NR1D2: variants seen among roughly 807,000 people sequenced by gnomAD.
NR1D2 encodes the protein V-erbA-related protein 1-related.
NR1D2 carries 25 observed loss-of-function variants against 52.2 expected under a neutral mutation model. The observed-to-expected ratio is 0.48, with a 90% CI of 0.35 to 0.67. The LOEUF is 0.67. Among genes scored for constraint, NR1D2 ranks in the 30% least tolerant of loss-of-function variants. The pLI, the probability that NR1D2 is intolerant of heterozygous loss-of-function variation, is 0.01. For synonymous variants in NR1D2, 259 were observed against 230.1 expected (o/e 1.13, Z -1.14); for missense variants, 681 against 707.2 (o/e 0.96, Z 0.42).
rs142938541 is a variant in NR1D2, at chr3:23,956,984, C to T, written c.372+859C>T. On this transcript the variant is annotated intron_variant, in intron 3 of 7. Coordinates refer to ENST00000312521, the MANE Select transcript of NR1D2 (RefSeq NM_005126.5). ...TGGCTCTGAATGAATTGCGAGTTTGCCAGTTTTTTTTTTTTTAGATGGAGT... is the reference window on the plus strand; with the variant it reads ...TGGCTCTGAATGAATTGCGAGTTTGTCAGTTTTTTTTTTTTTAGATGGAGT... Among the ~76,000 whole-genome samples, 211 of 151,618 alleles carry T rather than the reference C, an allele frequency of 1.4e-3. 1 individual carries two copies. The highest frequency in any genetic ancestry group is 4.7e-3 in the African/African-American group (195 of 41,344).
At chr3:23,969,371 G>A (rs916742292) in intron 7 of NR1D2, among the ~76,000 whole-genome samples, 1 of 152,104 alleles carries the variant, frequency 6.6e-6, no homozygotes, top group Non-Finnish European at 1.5e-5. Context: ...ATAAAGACTT[G>A]CCATTTGGTA....
chr3:23,951,845 G>T (rs1320968535), intron 1 of NR1D2, among the ~76,000 whole-genome samples: 3 of 152,314 alleles, frequency 2.0e-5, no homozygotes, highest in Middle Eastern at 3.4e-3. Flanking sequence ...TAGTTTTGAG[G>T]ATATGTATTT....
intron 7 of NR1D2, among the ~76,000 whole-genome samples, chr3:23,975,988 T>C (rs1706714385): frequency 6.6e-6 from 1 of 152,232 alleles, no homozygotes; most frequent in African/African-American, 2.4e-5. Flanking sequence ...TAGAAATCTT[T>C]TTCTTGTTAA....
chr3:23,956,773 A>T (rs1706091101), intron 3 of NR1D2, among the ~76,000 whole-genome samples: 1 of 152,182 alleles, frequency 6.6e-6, no homozygotes, highest in Non-Finnish European at 1.5e-5. Context: ...TATACAGGGA[A>T]TCTTTCTCTC....
chr3:23,955,168 G>A (rs919432331), intron 2 of NR1D2, among the ~76,000 whole-genome samples: 2 of 152,216 alleles, frequency 1.3e-5, no homozygotes, highest in East Asian at 3.8e-4. Context: ...AGTGAAACTG[G>A]ATTTGGGAAT....
At position 23,967,978 on chromosome 3, in the gene NR1D2, G is replaced by GA; in HGVS notation, c.1499dup (p.Asp500GlufsTer2). On this transcript the variant is annotated frameshift_variant, in exon 7 of 8. Coordinates refer to ENST00000312521, the MANE Select transcript of NR1D2 (RefSeq NM_005126.5). LOFTEE classifies it high-confidence loss of function. The stretch of plus-strand genomic sequence containing the variant: ...GAAGCTAAATGCCCTCCAACTTAGT[G>GA]ATGAAGAGATGAGTTTGTTTACAGC... The GA allele has an allele frequency of 6.2e-7, 1 of 1,614,178 alleles. No individual in the cohort carries two copies. The highest frequency in any genetic ancestry group is 8.5e-7 in the Non-Finnish European group (1 of 1,180,016).
At chr3:23,951,305 A>G (rs1705924972) in intron 1 of NR1D2, among the ~76,000 whole-genome samples, 1 of 152,212 alleles carries the variant, frequency 6.6e-6, no homozygotes, top group South Asian at 2.1e-4. Flanking sequence ...CTTACTTCCA[A>G]GGAAAAACAT....
chr3:23,977,131 G>A (rs959713615), intron 7 of NR1D2, 92 bp from the exon 8 acceptor site: 30 of 687,444 alleles, frequency 4.4e-5, no homozygotes, highest in African/African-American at 2.8e-4. Context: ...CTTTCTATTC[G>A]TTAGTGACAC....
chr3:23,948,514 TGGGTA>T (rs1705840046), intron 1 of NR1D2, among the ~76,000 whole-genome samples: 1 of 152,108 alleles, frequency 6.6e-6, no homozygotes, highest in Non-Finnish European at 1.5e-5. Context: ...AGGTGAATAA[TGGGTA>T]GGGAGGATTA....
chr3:23,954,934 A>G, intron 2 of NR1D2, 131 bp downstream of exon 2: 1 of 768,834 alleles, frequency 1.3e-6, no homozygotes, highest in East Asian at 2.6e-5. Flanking sequence ...ATCATACATC[A>G]GTAGTTAGGG....
rs528906924 is a variant in NR1D2, at chr3:23,955,575, C to T, written c.284-462C>T. ...GTGTGGTGGCTCACACCTGTAATCC[C>T]AATATTTTTGGAGGCTGAGTGGGGC... On this transcript the variant is annotated intron_variant, in intron 2 of 7. Transcript: ENST00000312521. 2.0e-5 allele frequency among the ~76,000 whole-genome samples: 3 copies of T among 152,054 alleles called. No homozygotes were observed. In the East Asian group the frequency reaches 5.8e-4, roughly 29 times the overall value.
Position 23,955,908 on chromosome 3 carries a change from T to C in NR1D2, c.284-129T>C. The C allele has an allele frequency of 1.2e-5, 7 of 603,890 alleles. No individual in the cohort carries two copies. In the South Asian group the frequency reaches 1.7e-4, roughly 15 times the overall value. The allele number at this position is 603,890 out of a possible 1,614,324, so 37.4% of individuals were successfully genotyped here. A position where few individuals can be genotyped will look rare whatever the true frequency, so the allele number is the denominator to read the frequency against. ...TTTTGATTTGAAAATATTTTTCTTT[T>C]ACATTATGAAAGTAGATGTGTATCT... On this transcript the variant is annotated intron_variant, in intron 2 of 7. Coordinates refer to ENST00000312521, the MANE Select transcript of NR1D2 (RefSeq NM_005126.5).
chr3:23,960,139 TG>T (rs1706198419), intron 4 of NR1D2, among the ~76,000 whole-genome samples: 2 of 152,118 alleles, frequency 1.3e-5, no homozygotes, highest in Non-Finnish European at 2.9e-5. Flanking sequence ...CCGGGCATGG[TG>T]GCTCACGCCC....
rs1706810034 is a variant in NR1D2, at chr3:23,978,974, A to G, written c.*1555A>G. 1 of 152,114 alleles carries G rather than the reference A, an allele frequency of 6.6e-6. No homozygotes were observed. The highest frequency in any genetic ancestry group is 2.4e-5 in the African/African-American group (1 of 41,454). The allele number at this position is 152,114 out of a possible 1,614,324, so 9.4% of individuals were successfully genotyped here. ...TTTCCTGTTTACCTGGAAAATAGCA[A>G]TTAATTGGATTTTTTGGTAAAGATT... On this transcript the variant is annotated 3_prime_UTR_variant, in exon 8 of 8. Coordinates refer to ENST00000312521, the MANE Select transcript of NR1D2 (RefSeq NM_005126.5).
At chr3:23,966,110 C>G (rs973056838) in intron 6 of NR1D2, among the ~76,000 whole-genome samples, 1 of 152,170 alleles carries the variant, frequency 6.6e-6, no homozygotes, top group African/African-American at 2.4e-5. Context: ...CAGGGCATCC[C>G]TTTTGCTGCC....
intron 1 of NR1D2, among the ~76,000 whole-genome samples, chr3:23,948,287 A>T (rs946569017): frequency 6.6e-6 from 1 of 152,128 alleles, no homozygotes; most frequent in Non-Finnish European, 1.5e-5. Flanking sequence ...TGACATCTCT[A>T]TGTCTCCTCG....
chr3:23,966,955 G>T (rs536154182), intron 6 of NR1D2, among the ~76,000 whole-genome samples: 4 of 152,072 alleles, frequency 2.6e-5, no homozygotes, highest in Non-Finnish European at 5.9e-5. Context: ...CACTTGAGCC[G>T]GGGAGGTTCA....
chr3:23,976,949 TCA>T (rs1478213765), intron 7 of NR1D2, among the ~76,000 whole-genome samples: 2 of 152,198 alleles, frequency 1.3e-5, no homozygotes, highest in Non-Finnish European at 2.9e-5. Flanking sequence ...TTTTAAAAAG[TCA>T]GAACCTCTAT....
intron 7 of NR1D2, among the ~76,000 whole-genome samples, chr3:23,973,127 C>G (rs1706633531): frequency 6.6e-6 from 1 of 152,132 alleles, no homozygotes; most frequent in Non-Finnish European, 1.5e-5. Context: ...CTTTGCCCAC[C>G]TAGATTATTT....
Sources: gnomAD v4.1 joint callset for allele counts (sites outside exome capture counted in the v4.1 genomes callset) on GRCh38, gnomAD v4.1.1 for gene constraint, MANE v1.5 for transcripts, NCBI Gene and HGNC (gene_info 2026-07-23, HGNC 2026-07-21) for gene names.